The following DCBLD1 variants were observed in gnomAD, a reference collection of about 807,000 sequenced individuals.
The protein encoded by DCBLD1 is discoidin, CUB and LCCL domain containing 1.
DCBLD1 carries 57 observed loss-of-function variants against 71.5 expected under a neutral mutation model. That is an observed-to-expected ratio of 0.80 (90% CI 0.64 to 0.99). The LOEUF is 0.99. Among genes scored for constraint, DCBLD1 ranks in the 50% least tolerant of loss-of-function variants. The pLI, the probability that DCBLD1 is intolerant of heterozygous loss-of-function variation, is 0.00. For synonymous variants in DCBLD1, 380 were observed against 363.8 expected, an observed-to-expected ratio of 1.04 and a Z score of -0.51; for missense variants, 891 against 923.5, an observed-to-expected ratio of 0.96 and a Z score of 0.46.
intron 1 of DCBLD1, among the ~76,000 whole-genome samples, chr6:117,500,453 T>C (rs1453956438): frequency 1.3e-5 from 2 of 152,168 alleles, no homozygotes; most frequent in South Asian, 2.1e-4. Flanking sequence ...AAAGTAACGA[T>C]GGGAATGTTG....
intron 14 of DCBLD1, among the ~76,000 whole-genome samples, chr6:117,557,920 GC>G (rs1779516604): frequency 6.6e-6 from 1 of 152,150 alleles, no homozygotes; most frequent in South Asian, 2.1e-4. Flanking sequence ...CTAGGATTTA[GC>G]CCTAGTTACA....
rs1218789814 is a variant in DCBLD1, at chr6:117,542,301, A to C, written c.1358-823A>C. Among the ~76,000 whole-genome samples the C allele has an allele frequency of 3.3e-5, 5 of 151,788 alleles. No individual in the cohort carries two copies. In the East Asian group the frequency reaches 9.6e-4, roughly 29 times the overall value. On this transcript the variant is annotated intron_variant, in intron 11 of 14. Coordinates refer to ENST00000338728, the MANE Select transcript of DCBLD1 (RefSeq NM_001366458.2). ...AGCGAGACTCCATCTCTTAAAAAAA[A>C]AAAAAAAGAAAAAGAAGTAATAATA...
chr6:117,492,480 G>A (rs897844644), intron 1 of DCBLD1, among the ~76,000 whole-genome samples: 1 of 152,178 alleles, frequency 6.6e-6, no homozygotes, highest in Non-Finnish European at 1.5e-5. Context: ...ATCCAGGGGA[G>A]AAAAAGTTAG....
chr6:117,501,523 A>C (rs1777659471), intron 1 of DCBLD1, among the ~76,000 whole-genome samples: 1 of 152,104 alleles, frequency 6.6e-6, no homozygotes, highest in Admixed American at 6.5e-5. Flanking sequence ...TAGTAGACAC[A>C]GGGTTTCACC....
rs577712810 is a variant in DCBLD1, at chr6:117,517,476, G to A, written c.326-2340G>A. Among the ~76,000 whole-genome samples, 7 of 152,256 alleles carry A rather than the reference G, an allele frequency of 4.6e-5. No individual in the cohort carries two copies. The South Asian group carries it at 1.2e-3, about 27-fold the overall frequency. ...GGATCTACCATTCTGGGGTCTGGTGGCCCCCTTCTCACAGCTACACTGGAT... is the reference window on the plus strand; with the variant it reads ...GGATCTACCATTCTGGGGTCTGGTGACCCCCTTCTCACAGCTACACTGGAT... On this transcript the variant is annotated intron_variant, in intron 2 of 14. Coordinates refer to ENST00000338728, the MANE Select transcript of DCBLD1 (RefSeq NM_001366458.2).
At chr6:117,543,564 G>A (rs1325896674) in intron 12 of DCBLD1, among the ~76,000 whole-genome samples, 1 of 152,086 alleles carries the variant, frequency 6.6e-6, no homozygotes, top group Non-Finnish European at 1.5e-5. Context: ...GTAGAGATGG[G>A]ATCTTGCTTT....
In DCBLD1 at chr6:117,543,156, GTGC is replaced by G; in HGVS notation, c.1392_1394del (p.Leu466del). ...CATTACAACGGTGGCTATTCCATTG[GTGC>G]TCCTTGTTGTCCTGGTGTTTGCTGG... On this transcript the variant is annotated inframe_deletion, in exon 12 of 15. Coordinates refer to ENST00000338728, the MANE Select transcript of DCBLD1 (RefSeq NM_001366458.2). 9.9e-6 allele frequency: 16 copies of G among 1,614,056 alleles called. No homozygotes were observed. The highest frequency in any genetic ancestry group is 1.4e-5 in the Non-Finnish European group (16 of 1,180,004).
chr6:117,482,975 CGA>C, intron 1 of DCBLD1, 82 bp downstream of exon 1: 2 of 591,356 alleles, frequency 3.4e-6, no homozygotes, highest in South Asian at 1.1e-4. Flanking sequence ...CGGGCCGGGC[CGA>C]GGGCTACGGG....
chr6:117,501,270 G>A (rs374352205), intron 1 of DCBLD1, among the ~76,000 whole-genome samples: 6 of 152,208 alleles, frequency 3.9e-5, no homozygotes, highest in Admixed American at 2.6e-4. Context: ...TCAAGGGACA[G>A]CCACTGTGTC....
At chr6:117,561,235 G>A (rs1779578481) in intron 14 of DCBLD1, 2 of 223,202 alleles carry the variant, frequency 9.0e-6, no homozygotes, top group South Asian at 1.8e-4. Context: ...AAATTACACA[G>A]TGACCTCATA....
Position 117,540,836 on chromosome 6 carries a change from G to A in DCBLD1, c.1249+21G>A, listed in dbSNP as rs1053729967. The A allele has an allele frequency of 2.1e-5, 34 of 1,614,112 alleles. No individual in the cohort carries two copies. In the East Asian group the frequency reaches 7.6e-4, roughly 36 times the overall value. ...ACAAGGTAGGGCTCAGGGCAAGCCA[G>A]TGAGTTACTCAAGTTTGGTCATATT... is the stretch of plus-strand genomic sequence containing the variant. On this transcript the variant is annotated intron_variant, in intron 10 of 14. Coordinates refer to ENST00000338728, the MANE Select transcript of DCBLD1 (RefSeq NM_001366458.2).
intron 1 of DCBLD1, among the ~76,000 whole-genome samples, chr6:117,499,322 G>C (rs945652469): frequency 2.0e-5 from 3 of 150,896 alleles, no homozygotes; most frequent in Non-Finnish European, 2.9e-5. Flanking sequence ...TGGGAAGATT[G>C]CTTGAGCCTC....
chr6:117,560,673 C>G (rs921201064), intron 14 of DCBLD1: 1 of 196,640 alleles, frequency 5.1e-6, no homozygotes, highest in African/African-American at 2.3e-5. Context: ...GTCTCACCAC[C>G]AAAATGTTGC....
rs893228695 is a variant in DCBLD1 at position 117,563,147 on chromosome 6, AG to A, written c.1616-6471del. Reference sequence around the variant, plus strand: ...GCCCTGAGGTACCCGCCTTTCATTTAGGCAACAAACAGCCTCCCCTGATTTT... The same window carrying A: ...GCCCTGAGGTACCCGCCTTTCATTTAGCAACAAACAGCCTCCCCTGATTTT... On this transcript the variant is annotated intron_variant, in intron 14 of 14. Coordinates refer to the DCBLD1 transcript ENST00000296955. 76 of 1,001,248 alleles carry A rather than the reference AG, an allele frequency of 7.6e-5. No homozygotes were observed. The African/African-American group carries it at 1.1e-3, about 15-fold the overall frequency. 62.0% of individuals were successfully genotyped at this position (1,001,248 alleles called of 1,614,324 possible).
chr6:117,525,982 G>T (rs1050074101), intron 5 of DCBLD1, among the ~76,000 whole-genome samples: 1 of 152,064 alleles, frequency 6.6e-6, no homozygotes, highest in Non-Finnish European at 1.5e-5. Flanking sequence ...TCTAGTATCT[G>T]ATTTTTTAAA....
intron 3 of DCBLD1, 129 bp downstream of exon 3, chr6:117,520,079 C>A (rs1778335892): frequency 6.4e-6 from 9 of 1,415,126 alleles, no homozygotes; most frequent in Non-Finnish European, 7.7e-6. Flanking sequence ...AGAAGAGGAA[C>A]ATGGTATCTT....
At chr6:117,561,505 T>C in intron 14 of DCBLD1, 1 of 217,006 alleles carries the variant, frequency 4.6e-6, no homozygotes, top group South Asian at 1.9e-4. Context: ...ATACGGTGGC[T>C]AAAATCCAGT....
downstream of DCBLD1, among the ~76,000 whole-genome samples, chr6:117,550,254 T>G (rs1271947022): frequency 1.3e-5 from 2 of 152,192 alleles, no homozygotes; most frequent in Admixed American, 6.5e-5. Flanking sequence ...ACAGGACTTT[T>G]TTTTTTGGAT....
chr6:117,532,269 T>C lies in DCBLD1; in HGVS notation c.595T>C (p.Leu199=). 1 of 1,605,748 alleles carries C rather than the reference T, an allele frequency of 6.2e-7. No individual in the cohort carries two copies. The highest frequency in any genetic ancestry group is 8.5e-7 in the Non-Finnish European group (1 of 1,177,798). ...TGTTGCTGTGTTTCAGACCTCTTTA[T>C]TGTGCAAAGCTGCCATCCATGCAGG... ...MVDGYRDTSL[L]CKAAIHAGII... Residue 199 remains leucine (L), a synonymous_variant, in exon 6 of 15, where the codon TTG becomes CTG. Coordinates refer to ENST00000338728, the MANE Select transcript of DCBLD1 (RefSeq NM_001366458.2).
Sources: allele counts gnomAD v4.1 joint callset (sites outside exome capture counted in the v4.1 genomes callset), GRCh38; gene constraint gnomAD v4.1.1; transcripts MANE v1.5; gene names NCBI Gene and HGNC (gene_info 2026-07-23, HGNC 2026-07-21).